The following PPP3R1 variants were observed in gnomAD, a reference collection of about 807,000 sequenced individuals.
The protein encoded by PPP3R1 is protein phosphatase 3 regulatory subunit B, alpha, also known as calcineurin subunit B type 1.
In PPP3R1, 5 loss-of-function variants were observed where a neutral mutation model predicts 22.6. The observed-to-expected ratio is 0.22, with a 90% CI of 0.12 to 0.46. PPP3R1 has a LOEUF of 0.46. Ranked by LOEUF, PPP3R1 falls within the 20% of genes least tolerant of loss-of-function variation. The pLI is 0.99. For missense variants in PPP3R1, 61 were observed against 203.2 expected (o/e 0.30, Z 4.25); for synonymous variants, 56 against 65.2 (o/e 0.86, Z 0.68).
chr2:68,251,605 T>G (rs1001022395), intron 1 of PPP3R1, among the ~76,000 whole-genome samples: 1 of 152,196 alleles, frequency 6.6e-6, no homozygotes, highest in Admixed American at 6.5e-5. Flanking sequence ...CAAGACTCAC[T>G]GCTGGGAAAC....
chr2:68,182,074 C>T lies in PPP3R1; in HGVS notation c.466-1064G>A, dbSNP rs369581612. 7.4e-5 allele frequency among the ~76,000 whole-genome samples: 4 copies of T among 54,112 alleles called. 1 individual carries two copies. Among genetic ancestry groups the T allele is most frequent in the East Asian group, 1.2e-3 (2 of 1,616 alleles). 35.5% of individuals were successfully genotyped at this position (54,112 alleles called of 152,430 possible). A position where few individuals can be genotyped will look rare whatever the true frequency, so the allele number is the denominator to read the frequency against. The stretch of plus-strand genomic sequence containing the variant: ...ACCAGACATCTCCCCTCCTCCAACC[C>T]CCCCCTCCCCCCACCACACACACAC... On this transcript the variant is annotated intron_variant, in intron 5 of 5. Transcript: ENST00000234310.
At chr2:68,248,068 G>T (rs1670269557) in intron 1 of PPP3R1, among the ~76,000 whole-genome samples, 1 of 152,094 alleles carries the variant, frequency 6.6e-6, no homozygotes, top group Admixed American at 6.6e-5. Context: ...CTATGATCTA[G>T]TGTCAATCCA....
At chr2:68,203,883 T>TCTG (rs1356885527) in intron 2 of PPP3R1, among the ~76,000 whole-genome samples, 3 of 152,186 alleles carry the variant, frequency 2.0e-5, no homozygotes, top group Non-Finnish European at 4.4e-5. Context: ...AAGGAGAGGT[T>TCTG]CCTTCAGAGT....
intron 2 of PPP3R1, among the ~76,000 whole-genome samples, chr2:68,204,926 T>A (rs1248008853): frequency 6.6e-6 from 1 of 152,226 alleles, no homozygotes; most frequent in Non-Finnish European, 1.5e-5. Flanking sequence ...CTGGTGAAAA[T>A]TAGTTTGAAC....
chr2:68,203,592 ACT>A (rs1012572014), intron 2 of PPP3R1, among the ~76,000 whole-genome samples: 3 of 131,728 alleles, frequency 2.3e-5, no homozygotes, highest in Non-Finnish European at 4.7e-5. Context: ...CAAGAAAGAA[ACT>A]CTGTCTCAAA....
chr2:68,195,885 A>AT (rs1674755708), intron 2 of PPP3R1, among the ~76,000 whole-genome samples: 1 of 147,762 alleles, frequency 6.8e-6, no homozygotes, highest in African/African-American at 2.5e-5. Flanking sequence ...CTTTCCAACA[A>AT]CCTTTTTTTT....
chr2:68,237,162 C>G (rs1426486230), intron 1 of PPP3R1, among the ~76,000 whole-genome samples: 3 of 152,094 alleles, frequency 2.0e-5, no homozygotes, highest in African/African-American at 7.2e-5. Context: ...CTGTTAATCA[C>G]TACATTTCTG....
intron 2 of PPP3R1, among the ~76,000 whole-genome samples, chr2:68,198,780 A>G (rs926969995): frequency 6.6e-6 from 1 of 152,208 alleles, no homozygotes; most frequent in Non-Finnish European, 1.5e-5. Context: ...TAGAACTGAC[A>G]TCTTTGTAAC....
At chr2:68,249,976 T>C (rs925861716) in intron 1 of PPP3R1, among the ~76,000 whole-genome samples, 1 of 152,182 alleles carries the variant, frequency 6.6e-6, no homozygotes, top group East Asian at 1.9e-4. Flanking sequence ...ACCAGATCAC[T>C]CCAAAGCCTG....
intron 1 of PPP3R1, among the ~76,000 whole-genome samples, chr2:68,236,459 T>TA (rs1402879276): frequency 6.6e-6 from 1 of 152,118 alleles, no homozygotes; most frequent in Non-Finnish European, 1.5e-5. Flanking sequence ...ACCCCTAACC[T>TA]AAAATGAACA....
In PPP3R1 at chr2:68,179,023, G is replaced by GAA. The variant is rs1674348951; in HGVS notation, c.*1938_*1939dup. 2.8e-5 allele frequency: 3 copies of GAA among 108,742 alleles called. No homozygotes were observed. Among genetic ancestry groups the GAA allele is most frequent in the African/African-American group, 1.0e-4 (3 of 29,236 alleles). The allele number at this position is 108,742 out of a possible 1,614,324, so 6.7% of individuals were successfully genotyped here. A position where few individuals can be genotyped will look rare whatever the true frequency, so the allele number is the denominator to read the frequency against. On this transcript the variant is annotated 3_prime_UTR_variant, in exon 6 of 6. Transcript: ENST00000234310. ...AAAAAAAAAAAAAAAAAAAGAAAAA[G>GAA]AAAAAACCCTCATTCCCCGGTAAGG...
chr2:68,186,174 A>G (rs1459418794), intron 5 of PPP3R1, among the ~76,000 whole-genome samples: 1 of 152,198 alleles, frequency 6.6e-6, no homozygotes, highest in Non-Finnish European at 1.5e-5. Flanking sequence ...TAGAGAAGAG[A>G]AGCTAAGTGG....
chr2:68,228,287 T>A (rs1321308722), intron 1 of PPP3R1, among the ~76,000 whole-genome samples: 2 of 152,106 alleles, frequency 1.3e-5, no homozygotes, highest in African/African-American at 4.8e-5. Context: ...ACTCTATTTG[T>A]TAATGTTTTA....
At chr2:68,237,664 C>A (rs1349283644) in intron 1 of PPP3R1, among the ~76,000 whole-genome samples, 1 of 152,056 alleles carries the variant, frequency 6.6e-6, no homozygotes, top group Non-Finnish European at 1.5e-5. Context: ...TTCATAGTAG[C>A]GCTACTGAAG....
chr2:68,247,373 C>G (rs1160572362), intron 1 of PPP3R1, among the ~76,000 whole-genome samples: 1 of 152,232 alleles, frequency 6.6e-6, no homozygotes, highest in Non-Finnish European at 1.5e-5. Flanking sequence ...CCAAATGATA[C>G]TGATGCTGCT....
At chr2:68,213,141 C>T (rs150122980) in intron 2 of PPP3R1, among the ~76,000 whole-genome samples, 132 of 152,330 alleles carry the variant, frequency 8.7e-4, no homozygotes, top group African/African-American at 3.1e-3. Context: ...CGTTTGTTCA[C>T]TGGAGTTAGC....
chr2:68,242,168 C>T (rs764050633), intron 1 of PPP3R1, among the ~76,000 whole-genome samples: 1 of 152,150 alleles, frequency 6.6e-6, no homozygotes, highest in African/African-American at 2.4e-5. Flanking sequence ...GTGGCTCACG[C>T]GTGTAATACC....
At chr2:68,181,609 T>C (rs1674404228) in intron 5 of PPP3R1, among the ~76,000 whole-genome samples, 1 of 150,962 alleles carries the variant, frequency 6.6e-6, no homozygotes, top group Non-Finnish European at 1.5e-5. Flanking sequence ...TTTTTTTTTT[T>C]CAAAACAACA....
chr2:68,188,393 CAT>C, intron 3 of PPP3R1, 119 bp downstream of exon 3: 2 of 741,342 alleles, frequency 2.7e-6, no homozygotes, highest in Non-Finnish European at 4.0e-6. Context: ...GAGGTTTTAA[CAT>C]AATCTATTAT....
Sources: allele counts gnomAD v4.1 joint callset (sites outside exome capture counted in the v4.1 genomes callset), GRCh38; gene constraint gnomAD v4.1.1; transcripts MANE v1.5; gene names NCBI Gene and HGNC (gene_info 2026-07-23, HGNC 2026-07-21).